The following PLAGL1 variants were observed in gnomAD, a reference collection of about 807,000 sequenced individuals.
The protein encoded by PLAGL1 is zinc finger protein PLAGL1.
In PLAGL1, 1 loss-of-function variant was observed where a neutral mutation model predicts 4.6. The observed-to-expected ratio is 0.22, with a 90% CI of 0.08 to 1.03. The LOEUF is 1.03. PLAGL1 is among the 50% of genes least tolerant of loss of function. PLAGL1 has a pLI of 0.58. For synonymous variants in PLAGL1, 240 were observed against 237.8 expected, an observed-to-expected ratio of 1.01 and a Z score of -0.08; for missense variants, 464 against 570.4, an observed-to-expected ratio of 0.81 and a Z score of 1.90.
intron 2 of PLAGL1, among the ~76,000 whole-genome samples, chr6:143,976,846 T>C (rs1303935590): frequency 3.3e-5 from 5 of 151,824 alleles, no homozygotes; most frequent in Non-Finnish European, 5.9e-5. Context: ...CAATCTCTGA[T>C]GAGTTATTAA....
At position 143,989,351 on chromosome 6, in the gene PLAGL1, G is replaced by A. The variant is rs547753100; in HGVS notation, c.-583-4177C>T. Among the ~76,000 whole-genome samples, 1 of 152,296 alleles carries A rather than the reference G, an allele frequency of 6.6e-6. No homozygotes were observed. Among genetic ancestry groups the A allele is most frequent in the South Asian group, 2.1e-4 (1 of 4,828 alleles). ...ATTATTTCTGGCTACGTCCATGCAGGTATTTCTGGATGAAATCAACACTTG... is the reference window on the plus strand; with the variant it reads ...ATTATTTCTGGCTACGTCCATGCAGATATTTCTGGATGAAATCAACACTTG... On this transcript the variant is annotated intron_variant, in intron 1 of 7. Coordinates refer to ENST00000674357, the MANE Select transcript of PLAGL1 (RefSeq NM_001317162.2). This position sits in a 1 kb window ranked among gnomAD's most constrained non-coding sequence, Gnocchi z 4.8.
At chr6:144,001,730 T>C (rs1341395870) in intron 1 of PLAGL1, among the ~76,000 whole-genome samples, 1 of 152,164 alleles carries the variant, frequency 6.6e-6, no homozygotes, top group African/African-American at 2.4e-5. Context: ...CATCAGTTGA[T>C]GTGGCTATCA....
Position 143,940,580 on chromosome 6 carries a change from C to CAA in PLAGL1, c.*842_*843dup, listed in dbSNP as rs1401026993. 2.6e-5 allele frequency: 4 copies of CAA among 152,194 alleles called. No individual in the cohort carries two copies. Among genetic ancestry groups the CAA allele is most frequent in the Non-Finnish European group, 5.9e-5 (4 of 67,998 alleles). The allele number at this position is 152,194 out of a possible 1,614,324, so 9.4% of individuals were successfully genotyped here. A position where few individuals can be genotyped will look rare whatever the true frequency, so the allele number is the denominator to read the frequency against. On this transcript the variant is annotated 3_prime_UTR_variant, in exon 8 of 8. Transcript: ENST00000674357. ...GAGTAGTAGTTTAAGCTAGACAGAG[C>CAA]AAAGAAAATTCTTGTTTAATATATA...
chr6:144,045,912 C>T (rs1798111266), intron 1 of PLAGL1, among the ~76,000 whole-genome samples: 1 of 152,128 alleles, frequency 6.6e-6, no homozygotes, highest in Non-Finnish European at 1.5e-5. Context: ...CTCTAAACTT[C>T]TCTTCTCACT....
chr6:143,971,539 G>T lies in PLAGL1; in HGVS notation c.-543-2561C>A, dbSNP rs144829980. On this transcript the variant is annotated intron_variant, in intron 2 of 7. Coordinates refer to ENST00000674357, the MANE Select transcript of PLAGL1 (RefSeq NM_001317162.2). The surrounding 1 kb of genome is among the most constrained non-coding windows in gnomAD (Gnocchi z 4.7). ...CCACTTCCAGCTCTGGCTTTAAAAA[G>T]AAATAGGTTATAAGTTGAGAATAGC... Among the ~76,000 whole-genome samples the T allele has an allele frequency of 6.6e-6, 1 of 152,308 alleles. No individual in the cohort carries two copies. Among genetic ancestry groups the T allele is most frequent in the East Asian group, 1.9e-4 (1 of 5,186 alleles).
rs1375702472 is a variant in PLAGL1 at position 144,027,238 on chromosome 6, A to AGAAAGAAC, written c.-151+37229_-151+37230insGTTCTTTC. 9.2e-5 allele frequency among the ~76,000 whole-genome samples: 6 copies of AGAAAGAAC among 65,468 alleles called. No individual in the cohort carries two copies. The South Asian group carries it at 2.4e-3, about 27-fold the overall frequency. 42.9% of individuals were successfully genotyped at this position (65,468 alleles called of 152,430 possible). Reference sequence around the variant, plus strand: ...GACCCCAACTCAAAGAACGAACGAAAGAAAGAAAGAAAGAAAGAAAGAAAG... The same window carrying AGAAAGAAC: ...GACCCCAACTCAAAGAACGAACGAAAGAAAGAACGAAAGAAAGAAAGAAAGAAAGAAAG... On this transcript the variant is annotated intron_variant, in intron 1 of 3. Coordinates refer to the PLAGL1 transcript ENST00000437412. The surrounding 1 kb of genome is among the most constrained non-coding windows in gnomAD (Gnocchi z 5.8).
intron 2 of PLAGL1, among the ~76,000 whole-genome samples, chr6:143,974,301 A>C (rs1043527793): frequency 6.6e-6 from 1 of 152,092 alleles, no homozygotes; most frequent in East Asian, 1.9e-4. Context: ...GAAAATAAAC[A>C]ATATTGGAAC....
intron 1 of PLAGL1, among the ~76,000 whole-genome samples, chr6:144,057,295 T>C (rs186777943): frequency 2.0e-5 from 3 of 152,386 alleles, no homozygotes; most frequent in Admixed American, 6.5e-5. Flanking sequence ...TAACCAGCAG[T>C]ATTCTATTTA....
rs533506621 is a variant in PLAGL1 at position 143,984,292 on chromosome 6, C to A, written c.-544+843G>T. ...TTTCTCAAACTTTTCTGTGGAGCAC[C>A]AGTTCAATGGTATATTTGGTGAGGT... On this transcript the variant is annotated intron_variant, in intron 2 of 7. Transcript: ENST00000674357. This position sits in a 1 kb window ranked among gnomAD's most constrained non-coding sequence, Gnocchi z 5.5. 3.9e-5 allele frequency among the ~76,000 whole-genome samples: 6 copies of A among 152,200 alleles called. No homozygotes were observed. The highest frequency in any genetic ancestry group is 7.4e-5 in the Non-Finnish European group (5 of 68,006).
At position 144,059,478 on chromosome 6, in the gene PLAGL1, C is replaced by G. The variant is rs1799228822; in HGVS notation, c.-151+4990G>C. Reference sequence around the variant, plus strand: ...TCAAAGTCCTCTCCAGATACCTCCTCTCAATTCCCTTTCCTGGGGACCCTG... The same window carrying G: ...TCAAAGTCCTCTCCAGATACCTCCTGTCAATTCCCTTTCCTGGGGACCCTG... On this transcript the variant is annotated intron_variant, in intron 1 of 3. Transcript: ENST00000437412. The surrounding 1 kb of genome is among the most constrained non-coding windows in gnomAD (Gnocchi z 4.9). Among the ~76,000 whole-genome samples the G allele has an allele frequency of 6.6e-6, 1 of 152,240 alleles. No individual in the cohort carries two copies. The highest frequency in any genetic ancestry group is 1.5e-5 in the Non-Finnish European group (1 of 68,048).
Position 143,962,014 on chromosome 6 carries a change from C to T in PLAGL1, c.-398-1472G>A, listed in dbSNP as rs1288877527. ...CAATACTCCTTGGCCTCCAAGGGCT[C>T]ACACAGGAGCTTATTCTTAAGCTGT... On this transcript the variant is annotated intron_variant, in intron 5 of 7. Transcript: ENST00000674357. This position sits in a 1 kb window ranked among gnomAD's most constrained non-coding sequence, Gnocchi z 5.3. 6.6e-6 allele frequency among the ~76,000 whole-genome samples: 1 copy of T among 152,188 alleles called. No homozygotes were observed. The highest frequency in any genetic ancestry group is 1.5e-5 in the Non-Finnish European group (1 of 68,040).
In PLAGL1 at chr6:143,976,496, G is replaced by C. The variant is rs1383916523; in HGVS notation, c.-543-7518C>G. ...ACCTAAGGCACCTTCTCATTCTACA[G>C]TTCTGTGACTTTTAAAATTACTGCT... On this transcript the variant is annotated intron_variant, in intron 2 of 7. Transcript: ENST00000674357. Among the ~76,000 whole-genome samples, 33 of 151,830 alleles carry C rather than the reference G, an allele frequency of 2.2e-4. 1 individual carries two copies. Among genetic ancestry groups the C allele is most frequent in the Admixed American group, 2.2e-3 (33 of 15,214 alleles).
At chr6:144,051,252 T>C (rs1047602962) in intron 1 of PLAGL1, among the ~76,000 whole-genome samples, 1 of 152,162 alleles carries the variant, frequency 6.6e-6, no homozygotes, top group Non-Finnish European at 1.5e-5. Flanking sequence ...TAAGCAAAAG[T>C]GCAGGACACA....
Position 143,957,299 on chromosome 6 carries a change from T to C in PLAGL1, c.-325+3170A>G, listed in dbSNP as rs1430801969. 2.6e-5 allele frequency among the ~76,000 whole-genome samples: 4 copies of C among 151,906 alleles called. No homozygotes were observed. Among genetic ancestry groups the C allele is most frequent in the African/African-American group, 9.7e-5 (4 of 41,306 alleles). On this transcript the variant is annotated intron_variant, in intron 6 of 7. Transcript: ENST00000674357. The surrounding 1 kb of genome is among the most constrained non-coding windows in gnomAD (Gnocchi z 4.2). The stretch of plus-strand genomic sequence containing the variant: ...TGAATGAAGACTCTCAGGAGTCTGG[T>C]GGGGGGGTGAGGGGTGGAGAGCAAC...
rs1024020139 is a variant in PLAGL1 at position 144,022,358 on chromosome 6, G to A, written c.-151+42110C>T. 1.3e-5 allele frequency among the ~76,000 whole-genome samples: 2 copies of A among 152,166 alleles called. No individual in the cohort carries two copies. Among genetic ancestry groups the A allele is most frequent in the African/African-American group, 4.8e-5 (2 of 41,440 alleles). ...GATACTAGTACATACTTACTAGAAT[G>A]GCTAAATTTGTTTTTAAAAGTTGAC... is the stretch of plus-strand genomic sequence containing the variant. On this transcript the variant is annotated intron_variant, in intron 1 of 3. Transcript: ENST00000437412. The surrounding 1 kb of genome is among the most constrained non-coding windows in gnomAD (Gnocchi z 4.2).
At position 143,990,174 on chromosome 6, in the gene PLAGL1, G is replaced by T. The variant is rs1790140581; in HGVS notation, c.-583-5000C>A. On this transcript the variant is annotated intron_variant, in intron 1 of 7. Transcript: ENST00000674357. The surrounding 1 kb of genome is among the most constrained non-coding windows in gnomAD (Gnocchi z 5.4). The stretch of plus-strand genomic sequence containing the variant: ...TCTCGCTCTGTTGCCAGACTGGAGT[G>T]CAGTGGCATGATCTCAGCTCACTGC... Among the ~76,000 whole-genome samples, 1 of 151,414 alleles carries T rather than the reference G, an allele frequency of 6.6e-6. No individual in the cohort carries two copies. Among genetic ancestry groups the T allele is most frequent in the Non-Finnish European group, 1.5e-5 (1 of 67,890 alleles).
upstream of PLAGL1, among the ~76,000 whole-genome samples, chr6:144,012,295 A>T (rs1191952219): frequency 2.0e-5 from 3 of 151,978 alleles, no homozygotes; most frequent in African/African-American, 7.3e-5. The surrounding 1 kb of genome is among the most constrained non-coding windows in gnomAD (Gnocchi z 4.8). Flanking sequence ...GCTCACCGCA[A>T]CCTGCCTCCC....
intron 1 of PLAGL1, among the ~76,000 whole-genome samples, chr6:144,044,416 T>C (rs1797971171): frequency 6.6e-6 from 1 of 152,236 alleles, no homozygotes; most frequent in Non-Finnish European, 1.5e-5. Flanking sequence ...TCTTTATTTC[T>C]GCTTCCATTT....
chr6:144,056,048 G>T lies in PLAGL1; in HGVS notation c.-151+8420C>A, dbSNP rs56735264. 8.4e-3 allele frequency among the ~76,000 whole-genome samples: 1,281 copies of T among 152,142 alleles called. 68 individuals carry two copies. In the East Asian group the frequency reaches 0.14, roughly 17 times the overall value. Reference sequence around the variant, plus strand: ...AGAGAAGTTCAACATGGTAAAAGATGACTCACTTTTCTTTCCCCTCATCCC... The same window carrying T: ...AGAGAAGTTCAACATGGTAAAAGATTACTCACTTTTCTTTCCCCTCATCCC... On this transcript the variant is annotated intron_variant, in intron 1 of 3. Coordinates refer to the PLAGL1 transcript ENST00000437412. The surrounding 1 kb of genome is among the most constrained non-coding windows in gnomAD (Gnocchi z 4.7).
Sources: gnomAD v4.1 joint callset for allele counts (sites outside exome capture counted in the v4.1 genomes callset) on GRCh38, gnomAD v4.1.1 for gene constraint, Gnocchi (gnomAD v3.1) non-coding constraint, MANE v1.5 for transcripts, NCBI Gene and HGNC (gene_info 2026-07-23, HGNC 2026-07-21) for gene names.